AGBL1: variants seen among roughly 807,000 people sequenced by gnomAD.
The protein encoded by AGBL1 is AGBL carboxypeptidase 1, also known as cytosolic carboxypeptidase 4.
In AGBL1, 130 loss-of-function variants were observed where a neutral mutation model predicts 118.9. The observed-to-expected ratio is 1.09, with a 90% CI of 0.95 to 1.26. The LOEUF (loss-of-function observed/expected upper bound fraction) is 1.26, where lower values mean the gene tolerates loss of function less well. Among genes scored for constraint, AGBL1 ranks in the 50% most tolerant of loss-of-function variants. The pLI is 0.00. For missense variants in AGBL1, 1,584 were observed against 1,298.1 expected, an observed-to-expected ratio of 1.22 and a Z score of -3.38; for synonymous variants, 555 against 478.9, an observed-to-expected ratio of 1.16 and a Z score of -2.08.
At chr15:86,139,294 C>T (rs1053997026) in intron 1 of AGBL1, among the ~76,000 whole-genome samples, 2 of 151,870 alleles carry the variant, frequency 1.3e-5, no homozygotes, top group East Asian at 3.9e-4. Context: ...GTTCAGGGTT[C>T]TCTTCTGTAT....
At chr15:86,997,414 G>A (rs1409628221) in intron 24 of AGBL1, among the ~76,000 whole-genome samples, 3 of 152,054 alleles carry the variant, frequency 2.0e-5, no homozygotes, top group African/African-American at 7.2e-5. Context: ...CTGGCCCTAA[G>A]GAGACTGCTT....
intron 22 of AGBL1, among the ~76,000 whole-genome samples, chr15:86,859,813 A>G (rs1160642772): frequency 6.6e-6 from 1 of 152,198 alleles, no homozygotes; most frequent in Non-Finnish European, 1.5e-5. Flanking sequence ...TTCTAGGGAC[A>G]ATACATGGCT....
intron 1 of AGBL1, among the ~76,000 whole-genome samples, chr15:86,139,414 C>T (rs961133303): frequency 7.2e-5 from 11 of 152,168 alleles, no homozygotes; most frequent in Non-Finnish European, 1.2e-4. Flanking sequence ...AGGAGGAGTT[C>T]GTTCTTGTCA....
intron 24 of AGBL1, among the ~76,000 whole-genome samples, chr15:87,006,894 A>C (rs558111387): frequency 6.6e-5 from 10 of 152,278 alleles, no homozygotes; most frequent in African/African-American, 2.4e-4. Context: ...AGGATCTGAC[A>C]TGGGTCCTGT....
At chr15:86,085,829 A>G (rs1895611154) in intron 1 of AGBL1, among the ~76,000 whole-genome samples, 1 of 152,204 alleles carries the variant, frequency 6.6e-6, no homozygotes, top group Non-Finnish European at 1.5e-5. Context: ...TTCAGATAGC[A>G]TTCAGATGTC....
At chr15:86,340,617 T>A (rs1440946912) in intron 17 of AGBL1, among the ~76,000 whole-genome samples, 1 of 152,166 alleles carries the variant, frequency 6.6e-6, no homozygotes, top group Admixed American at 6.5e-5. Flanking sequence ...CACGTTGATT[T>A]TGATTTCTGG....
At chr15:86,872,921 A>G (rs140359822) in intron 22 of AGBL1, among the ~76,000 whole-genome samples, 1 of 152,290 alleles carries the variant, frequency 6.6e-6, no homozygotes, top group Non-Finnish European at 1.5e-5. Flanking sequence ...AAACATGCAA[A>G]TGTTATACAC....
At position 86,726,069 on chromosome 15, in the gene AGBL1, G is replaced by C. The variant is rs551193576; in HGVS notation, c.3158+51633G>C. Reference sequence around the variant, plus strand: ...ATGTGAGAAATCATCTAGCAATACTGTCATAGGATATAATAGTGCTTGTTT... The same window carrying C: ...ATGTGAGAAATCATCTAGCAATACTCTCATAGGATATAATAGTGCTTGTTT... On this transcript the variant is annotated intron_variant, in intron 22 of 22. Transcript: ENST00000614907. 2.8e-4 allele frequency among the ~76,000 whole-genome samples: 42 copies of C among 152,306 alleles called. No individual in the cohort carries two copies. The South Asian group carries it at 4.8e-3, about 17-fold the overall frequency.
intron 18 of AGBL1, among the ~76,000 whole-genome samples, chr15:86,469,491 A>G (rs983120826): frequency 6.6e-6 from 1 of 152,110 alleles, no homozygotes; most frequent in African/African-American, 2.4e-5. Context: ...CTCCATGGAC[A>G]CTTAGATTGA....
intron 21 of AGBL1, among the ~76,000 whole-genome samples, chr15:86,632,295 C>G (rs112637809): frequency 0.11 from 14,849 of 135,368 alleles, 789 homozygotes; most frequent in East Asian, 0.14. Flanking sequence ...AAAAAAAAGG[C>G]TGGCCAGGTG....
intron 5 of AGBL1, among the ~76,000 whole-genome samples, chr15:86,163,738 GAATA>G: frequency 6.6e-6 from 1 of 150,672 alleles, no homozygotes; most frequent in South Asian, 2.1e-4. Context: ...AAAAAAAAAT[GAATA>G]AATAAAATTA....
chr15:86,671,290 G>T (rs948630577), intron 21 of AGBL1, among the ~76,000 whole-genome samples: 2 of 151,928 alleles, frequency 1.3e-5, no homozygotes, highest in Admixed American at 6.6e-5. Context: ...AAACAAACAG[G>T]AGAATGGCAG....
chr15:86,956,758 A>G (rs2080935871), intron 23 of AGBL1, among the ~76,000 whole-genome samples: 1 of 152,176 alleles, frequency 6.6e-6, no homozygotes. Flanking sequence ...TAATCATCAC[A>G]TATGCCAAAG....
At chr15:86,860,713 AGTGTGTGTGT>A (rs3030214) in intron 22 of AGBL1, among the ~76,000 whole-genome samples, 1 of 148,722 alleles carries the variant, frequency 6.7e-6, no homozygotes, top group Non-Finnish European at 1.5e-5. Context: ...TCTGTGAGTA[AGTGTGTGTGT>A]GTGTGTGTGT....
intron 24 of AGBL1, among the ~76,000 whole-genome samples, chr15:87,024,943 A>C (rs1045318477): frequency 5.3e-5 from 8 of 152,088 alleles, no homozygotes. Context: ...TTTATGATTA[A>C]AACTCTCAGT....
At chr15:86,300,449 G>A (rs1013898889) in intron 17 of AGBL1, among the ~76,000 whole-genome samples, 2 of 152,052 alleles carry the variant, frequency 1.3e-5, no homozygotes, top group African/African-American at 2.4e-5. Flanking sequence ...TGAATTTGTG[G>A]GAATTTTCTG....
chr15:87,004,400 A>G (rs531345502), intron 24 of AGBL1, among the ~76,000 whole-genome samples: 19 of 152,272 alleles, frequency 1.2e-4, no homozygotes, highest in Admixed American at 1.2e-3. Context: ...TATTTAGGAT[A>G]GTTAGCTCTT....
chr15:86,359,086 AG>A (rs1353888003), intron 17 of AGBL1, among the ~76,000 whole-genome samples: 1 of 151,986 alleles, frequency 6.6e-6, no homozygotes, highest in Admixed American at 6.6e-5. Flanking sequence ...CATATCCAAA[AG>A]TCATCACCCA....
intron 12 of AGBL1, among the ~76,000 whole-genome samples, 194 bp downstream of exon 12, chr15:86,266,651 C>A (rs191055551): frequency 9.6e-4 from 146 of 152,312 alleles, no homozygotes; most frequent in African/African-American, 3.3e-3. Context: ...GCCTGTAATC[C>A]CAGCACTTTG....
Sources: gnomAD v4.1 joint callset for allele counts (sites outside exome capture counted in the v4.1 genomes callset) on GRCh38, gnomAD v4.1.1 for gene constraint, MANE v1.5 for transcripts, NCBI Gene and HGNC (gene_info 2026-07-23, HGNC 2026-07-21) for gene names.